Variants in KIF13B observed in about 807,000 individuals in gnomAD.
The protein encoded by KIF13B is kinesin family member 13B, also known as kinesin-like protein KIF13B.
A neutral mutation model predicts 222.0 loss-of-function variants in KIF13B; 127 were observed. That is an observed-to-expected ratio of 0.57 (90% CI 0.50 to 0.66). The LOEUF (loss-of-function observed/expected upper bound fraction) is 0.66. KIF13B is among the 30% of genes least tolerant of loss of function. The pLI is 0.00. For synonymous variants in KIF13B, 976 were observed against 919.0 expected (o/e 1.06, Z -1.12); for missense variants, 2,173 against 2,379.0 (o/e 0.91, Z 1.80).
intron 2 of KIF13B, among the ~76,000 whole-genome samples, chr8:29,198,735 G>A (rs150546805): frequency 6.6e-6 from 1 of 151,932 alleles, no homozygotes; most frequent in East Asian, 1.9e-4. Flanking sequence ...ACATGCATAT[G>A]TATGTTTATT....
In KIF13B at chr8:29,119,809, TGTATTATTCG is replaced by T. The variant is rs368494084; in HGVS notation, c.3536-827_3536-818del. ...CCCCATCAAGCAAACAGACAGTGGC[TGTATTATTCG>T]GTATTATTCTCTAACTCTATGCATA... On this transcript the variant is annotated intron_variant, in intron 29 of 39. Coordinates refer to ENST00000524189, the MANE Select transcript of KIF13B (RefSeq NM_015254.4). Among the ~76,000 whole-genome samples, 1,368 of 152,256 alleles carry T rather than the reference TGTATTATTCG, an allele frequency of 9.0e-3. 9 individuals carry two copies. The highest frequency in any genetic ancestry group is 0.018 in the African/African-American group (727 of 41,532).
At chr8:29,106,187 A>G (rs1809059171) in intron 35 of KIF13B, among the ~76,000 whole-genome samples, 1 of 152,230 alleles carries the variant, frequency 6.6e-6, no homozygotes, top group Admixed American at 6.5e-5. Flanking sequence ...TATCACTGGC[A>G]GAGTACAAAC....
At chr8:29,110,411 AC>A (rs1056754201) in intron 32 of KIF13B, among the ~76,000 whole-genome samples, 2 of 152,094 alleles carry the variant, frequency 1.3e-5, no homozygotes, top group African/African-American at 4.8e-5. Flanking sequence ...CAGGAACATT[AC>A]CCCCGCCCTG....
At chr8:29,206,680 T>G (rs1003037385) in intron 2 of KIF13B, among the ~76,000 whole-genome samples, 1 of 152,216 alleles carries the variant, frequency 6.6e-6, no homozygotes, top group Non-Finnish European at 1.5e-5. Context: ...TGCCAAGCAC[T>G]AATCTAAGCC....
intron 2 of KIF13B, among the ~76,000 whole-genome samples, chr8:29,240,946 C>T (rs948764463): frequency 1.3e-5 from 2 of 152,138 alleles, no homozygotes; most frequent in Non-Finnish European, 2.9e-5. Flanking sequence ...GACCCAGAAG[C>T]GTTCCATAAC....
chr8:29,167,017 G>C (rs936176315), intron 11 of KIF13B, among the ~76,000 whole-genome samples: 2 of 152,140 alleles, frequency 1.3e-5, no homozygotes, highest in African/African-American at 4.8e-5. Context: ...CAAAAATCCT[G>C]CTCTCCATCA....
At chr8:29,102,218 A>G (rs184954792) in intron 35 of KIF13B, among the ~76,000 whole-genome samples, 2 of 152,300 alleles carry the variant, frequency 1.3e-5, no homozygotes, top group East Asian at 3.9e-4. Flanking sequence ...GCTCAGGTCT[A>G]AACGTGAAAG....
intron 2 of KIF13B, among the ~76,000 whole-genome samples, chr8:29,223,529 T>C (rs1039795062): frequency 2.2e-4 from 34 of 152,164 alleles, no homozygotes; most frequent in African/African-American, 7.2e-4. Context: ...GGATAAAAGA[T>C]AGATCAATAT....
chr8:29,213,497 C>T (rs1814324719), intron 2 of KIF13B, among the ~76,000 whole-genome samples: 1 of 152,180 alleles, frequency 6.6e-6, no homozygotes, highest in Admixed American at 6.5e-5. Flanking sequence ...GCAATTTTAA[C>T]CTGTGCAAGC....
At chr8:29,107,644 C>T (rs1456233767) in intron 35 of KIF13B, among the ~76,000 whole-genome samples, 2 of 151,190 alleles carry the variant, frequency 1.3e-5, no homozygotes, top group Non-Finnish European at 2.9e-5. Flanking sequence ...ACTGCAGGCT[C>T]CGCCCCCCGG....
chr8:29,179,658 C>T (rs1812629934), intron 8 of KIF13B, among the ~76,000 whole-genome samples: 1 of 152,236 alleles, frequency 6.6e-6, no homozygotes, highest in Non-Finnish European at 1.5e-5. Context: ...CTTTCTGGCT[C>T]TTTCTGCTGG....
At chr8:29,140,311 C>T in intron 20 of KIF13B, 120 bp from the exon 21 acceptor site, 2 of 1,435,352 alleles carry the variant, frequency 1.4e-6, no homozygotes, top group South Asian at 2.7e-5. Flanking sequence ...AATTTAGAGG[C>T]CTAGTCTCTG....
intron 2 of KIF13B, among the ~76,000 whole-genome samples, chr8:29,242,562 T>C (rs760025222): frequency 1.3e-5 from 2 of 152,224 alleles, no homozygotes; most frequent in Non-Finnish European, 2.9e-5. Context: ...TTAATTGTTC[T>C]AGTAGTATAA....
At chr8:29,190,923 A>G in intron 4 of KIF13B, 74 bp downstream of exon 4, 1 of 1,167,856 alleles carries the variant, frequency 8.6e-7, no homozygotes, top group Non-Finnish European at 1.3e-6. Flanking sequence ...TTTGCCAAGC[A>G]ATCGTGTAAG....
chr8:29,229,160 G>C (rs1428853054), intron 2 of KIF13B, among the ~76,000 whole-genome samples: 1 of 145,838 alleles, frequency 6.9e-6, no homozygotes, highest in African/African-American at 2.5e-5. Flanking sequence ...CTGGAGTGAT[G>C]TGTATCAGAT....
intron 10 of KIF13B, among the ~76,000 whole-genome samples, chr8:29,175,579 T>A (rs1812441160): frequency 6.6e-6 from 1 of 152,194 alleles, no homozygotes; most frequent in East Asian, 1.9e-4. Context: ...TCTAACAACA[T>A]CTTTAAGAAG....
intron 37 of KIF13B, among the ~76,000 whole-genome samples, chr8:29,089,974 A>T (rs1450150031): frequency 6.6e-6 from 1 of 151,650 alleles, no homozygotes; most frequent in Admixed American, 6.6e-5. Context: ...AACAAAGCCC[A>T]CTCTAGACTC....
intron 1 of KIF13B, among the ~76,000 whole-genome samples, chr8:29,248,178 G>A (rs1816119838): frequency 1.3e-5 from 2 of 152,056 alleles, no homozygotes; most frequent in Non-Finnish European, 2.9e-5. Context: ...ATCTGACCCA[G>A]CAATTCCACT....
At position 29,155,785 on chromosome 8, in the gene KIF13B, G is replaced by C; in HGVS notation, c.1476C>G (p.His492Gln). 1 of 1,599,818 alleles carries C rather than the reference G, an allele frequency of 6.3e-7. No individual in the cohort carries two copies. Among genetic ancestry groups the C allele is most frequent in the Non-Finnish European group, 8.5e-7 (1 of 1,172,046 alleles). ...CTTCTGACGTGATGTCTATAATACA[G>C]TGTTCAGGAAGAATTCCCATGCCGC... is the stretch of plus-strand genomic sequence containing the variant. ...QLCGMGILPEHCIIDITSEGQ... is the reference protein window; with the variant it reads ...QLCGMGILPEQCIIDITSEGQ... Residue 492 changes from histidine (H) to glutamine (Q), a missense_variant, in exon 14 of 40, where the codon CAC becomes CAG. His to Gln is a conservative substitution (Grantham distance 24). Around this residue, in one of 2 missense-constraint regions of KIF13B, gnomAD observed 1,480 missense variants for 1,722.8 expected, o/e 0.86. Coordinates refer to ENST00000524189, the MANE Select transcript of KIF13B (RefSeq NM_015254.4).
Sources: gnomAD v4.1 joint callset for allele counts (sites outside exome capture counted in the v4.1 genomes callset) on GRCh38, gnomAD v4.1.1 for gene constraint, gnomAD v4.1.1 regional missense constraint, MANE v1.5 for transcripts, NCBI Gene and HGNC (gene_info 2026-07-23, HGNC 2026-07-21) for gene names.